Variants in NFX1 observed in about 807,000 individuals in gnomAD.
NFX1 encodes the protein transcriptional repressor NF-X1.
Under a neutral mutation model 137.2 loss-of-function variants are expected in NFX1, and 69 were observed. That is an observed-to-expected ratio of 0.50 (90% CI 0.41 to 0.61). The LOEUF is 0.61. Among genes scored for constraint, NFX1 ranks in the 20% least tolerant of loss-of-function variants. The pLI is 0.00. For synonymous variants in NFX1, 495 were observed against 474.1 expected, an observed-to-expected ratio of 1.04 and a Z score of -0.57; for missense variants, 1,167 against 1,391.0, an observed-to-expected ratio of 0.84 and a Z score of 2.56.
chr9:33,360,367 AGTT>A (rs1439037962), intron 19 of NFX1, among the ~76,000 whole-genome samples: 3 of 152,294 alleles, frequency 2.0e-5, no homozygotes, highest in South Asian at 4.1e-4. Context: ...TACCTTCCAG[AGTT>A]GTTGTGAGGA....
rs777455055 is a variant in NFX1, at chr9:33,361,796, A to AAT, written c.2874-2202_2874-2201dup. Among the ~76,000 whole-genome samples, 753 of 150,628 alleles carry AAT rather than the reference A, an allele frequency of 5.0e-3. 6 individuals carry two copies. Among genetic ancestry groups the AAT allele is most frequent in the African/African-American group, 0.016 (656 of 41,002 alleles). ...ACAAGAGCAAGACTCCATCTCCAAA[A>AAT]ATATATATATATACACATAGAGAGA... On this transcript the variant is annotated intron_variant, in intron 19 of 23. Coordinates refer to ENST00000379540, the MANE Select transcript of NFX1 (RefSeq NM_002504.6).
chr9:33,370,249 G>T lies in NFX1; in HGVS notation c.*271G>T. The T allele has an allele frequency of 3.2e-6, 1 of 309,506 alleles. No homozygotes were observed. 19.2% of individuals were successfully genotyped at this position (309,506 alleles called of 1,614,324 possible). A position where few individuals can be genotyped will look rare whatever the true frequency, so the allele number is the denominator to read the frequency against. Reference sequence around the variant, plus strand: ...GGCTCTTTACACCATCACTGTGATTGCTCTGAGAGTTGAGGGACTATTGGG... The same window carrying T: ...GGCTCTTTACACCATCACTGTGATTTCTCTGAGAGTTGAGGGACTATTGGG... On this transcript the variant is annotated 3_prime_UTR_variant, in exon 24 of 24. Coordinates refer to ENST00000379540, the MANE Select transcript of NFX1 (RefSeq NM_002504.6).
intron 7 of NFX1, among the ~76,000 whole-genome samples, chr9:33,315,212 C>T (rs868517231): frequency 1.9e-4 from 27 of 142,450 alleles, no homozygotes; most frequent in Middle Eastern, 4.0e-3. Flanking sequence ...GCAACAAGAG[C>T]GGAACTCTGT....
intron 23 of NFX1, among the ~76,000 whole-genome samples, chr9:33,368,304 G>T (rs1216152699): frequency 1.3e-5 from 2 of 152,102 alleles, no homozygotes; most frequent in African/African-American, 2.4e-5. Flanking sequence ...GGTGACGGGG[G>T]TGGATAGTAC....
At chr9:33,347,721 C>T (rs757659652) in intron 15 of NFX1, 1 of 434,438 alleles carries the variant, frequency 2.3e-6, no homozygotes, top group South Asian at 1.6e-5. Flanking sequence ...AAAAAGATAC[C>T]TGCACACGCA....
intron 17 of NFX1, chr9:33,352,931 GTTTGT>G (rs1304541800): frequency 1.4e-5 from 7 of 513,838 alleles, no homozygotes; most frequent in South Asian, 4.9e-5. Flanking sequence ...AGGTTTTTTT[GTTTGT>G]TTTGTTTTGT....
At chr9:33,320,628 A>T (rs1015146008) in intron 9 of NFX1, among the ~76,000 whole-genome samples, 2 of 152,328 alleles carry the variant, frequency 1.3e-5, no homozygotes, top group African/African-American at 4.8e-5. Flanking sequence ...GTAATACTAT[A>T]CTGAGCCTAT....
chr9:33,355,481 A>G (rs1234247353), intron 19 of NFX1, among the ~76,000 whole-genome samples: 1 of 151,970 alleles, frequency 6.6e-6, no homozygotes, highest in Non-Finnish European at 1.5e-5. Flanking sequence ...CTTTCGTTAT[A>G]TTTTTGTGAC....
At chr9:33,364,581 A>G in intron 20 of NFX1, 127 bp from the exon 21 acceptor site, 2 of 1,077,826 alleles carry the variant, frequency 1.9e-6, no homozygotes, top group South Asian at 1.8e-5. Context: ...TTTTCTGACA[A>G]TTCCTGATCT....
intron 1 of NFX1, among the ~76,000 whole-genome samples, chr9:33,293,347 A>G (rs1821228652): frequency 6.6e-6 from 1 of 152,212 alleles, no homozygotes; most frequent in South Asian, 2.1e-4. Context: ...CTCAGGCTCT[A>G]TACTGCACCC....
At chr9:33,304,566 C>T (rs1821687506) in intron 4 of NFX1, among the ~76,000 whole-genome samples, 1 of 152,208 alleles carries the variant, frequency 6.6e-6, no homozygotes, top group Admixed American at 6.5e-5. Context: ...AACTCTTTGA[C>T]TTCCCCTTCT....
At chr9:33,332,072 T>C (rs1017143865) in intron 10 of NFX1, among the ~76,000 whole-genome samples, 8 of 152,216 alleles carry the variant, frequency 5.3e-5, no homozygotes, top group East Asian at 1.9e-4. Context: ...ATGGTACAGA[T>C]TGTCATCTGT....
intron 1 of NFX1, among the ~76,000 whole-genome samples, chr9:33,292,183 A>T (rs947071836): frequency 6.6e-6 from 1 of 152,098 alleles, no homozygotes; most frequent in Non-Finnish European, 1.5e-5. Flanking sequence ...ATTACCTCCA[A>T]CCCAGAAAGT....
chr9:33,297,876 T>C (rs2118194883), intron 2 of NFX1, among the ~76,000 whole-genome samples: 1 of 152,246 alleles, frequency 6.6e-6, no homozygotes, highest in South Asian at 2.1e-4. Flanking sequence ...GGCCCACCCA[T>C]ACTCAAGGGG....
At chr9:33,364,161 C>T (rs1824100466) in intron 20 of NFX1, 53 bp downstream of exon 20, 5 of 1,295,984 alleles carry the variant, frequency 3.9e-6, no homozygotes, top group Non-Finnish European at 5.5e-6. Flanking sequence ...GGTGTTTGGT[C>T]TTTTGAGATG....
chr9:33,313,310 C>T (rs539039928), intron 6 of NFX1, among the ~76,000 whole-genome samples: 36 of 151,568 alleles, frequency 2.4e-4, no homozygotes, highest in Non-Finnish European at 2.7e-4. Context: ...AAGAGTGGGC[C>T]GGGCGTGGTG....
At chr9:33,347,491 C>A (rs1220191894) in intron 15 of NFX1, among the ~76,000 whole-genome samples, 4 of 151,820 alleles carry the variant, frequency 2.6e-5, no homozygotes, top group Non-Finnish European at 5.9e-5. Context: ...TTTTTAATAA[C>A]CTCCTTATTC....
chr9:33,341,472 A>G (rs1379846937), intron 12 of NFX1, among the ~76,000 whole-genome samples: 1 of 152,234 alleles, frequency 6.6e-6, no homozygotes, highest in Non-Finnish European at 1.5e-5. Context: ...GTATATATAT[A>G]TACATAAACA....
At chr9:33,308,196 C>T (rs1316588123) in intron 5 of NFX1, among the ~76,000 whole-genome samples, 1 of 152,160 alleles carries the variant, frequency 6.6e-6, no homozygotes, top group East Asian at 1.9e-4. Context: ...AATCCCAACA[C>T]GTTGGGAAGC....
Sources: gnomAD v4.1 joint callset for allele counts (sites outside exome capture counted in the v4.1 genomes callset) on GRCh38, gnomAD v4.1.1 for gene constraint, MANE v1.5 for transcripts, NCBI Gene and HGNC (gene_info 2026-07-23, HGNC 2026-07-21) for gene names.